BIRC6: variants seen among roughly 807,000 people sequenced by gnomAD.
BIRC6 encodes the protein baculoviral IAP repeat containing 6.
Under a neutral mutation model 503.3 loss-of-function variants are expected in BIRC6, and 98 were observed. That is an observed-to-expected ratio of 0.19 (90% CI 0.17 to 0.23). The LOEUF (loss-of-function observed/expected upper bound fraction) is 0.23, where lower values mean the gene tolerates loss of function less well. BIRC6 is among the 10% of genes least tolerant of loss of function. The pLI, the probability that BIRC6 is intolerant of heterozygous loss-of-function variation, is 1.00. For missense variants in BIRC6, 5,360 were observed against 5,806.0 expected (o/e 0.92, Z 2.50); for synonymous variants, 2,240 against 2,078.7 (o/e 1.08, Z -2.11).
At chr2:32,448,594 C>T (rs560262593) in intron 21 of BIRC6, among the ~76,000 whole-genome samples, 1 of 151,862 alleles carries the variant, frequency 6.6e-6, no homozygotes, top group Middle Eastern at 3.4e-3. Flanking sequence ...GAGCCGAGAT[C>T]GCAGCAGTAC....
intron 23 of BIRC6, among the ~76,000 whole-genome samples, chr2:32,462,970 A>AG (rs924666653): frequency 6.6e-6 from 1 of 152,048 alleles, no homozygotes; most frequent in African/African-American, 2.4e-5. Flanking sequence ...AAAAAAAAAA[A>AG]AAGTCATTCC....
Position 32,455,060 on chromosome 2 carries a change from G to T in BIRC6, c.4753+1118G>T, listed in dbSNP as rs535143895. On this transcript the variant is annotated intron_variant, in intron 23 of 73. Transcript: ENST00000421745. ...AGAAAATTATTTTATTATAAATCAGGACCTTTCGTGGAACTGTATTGAAAT... is the reference window on the plus strand; with the variant it reads ...AGAAAATTATTTTATTATAAATCAGTACCTTTCGTGGAACTGTATTGAAAT... Among the ~76,000 whole-genome samples, 78 of 152,122 alleles carry T rather than the reference G, an allele frequency of 5.1e-4. 1 individual carries two copies. The highest frequency in any genetic ancestry group is 1.8e-3 in the African/African-American group (75 of 41,488).
chr2:32,549,285 A>G, intron 64 of BIRC6, 28 bp from the exon 65 acceptor site: 1 of 1,390,524 alleles, frequency 7.2e-7, no homozygotes, highest in Non-Finnish European at 9.5e-7. Context: ...GTGAAACTGA[A>G]ATCCAAATTA....
intron 45 of BIRC6, among the ~76,000 whole-genome samples, chr2:32,496,903 A>G (rs1368981061): frequency 6.6e-6 from 1 of 152,136 alleles, no homozygotes; most frequent in Non-Finnish European, 1.5e-5. Flanking sequence ...TCGGACTTCA[A>G]GTATGCTGTT....
At chr2:32,408,611 G>T (rs1004887932) in intron 9 of BIRC6, among the ~76,000 whole-genome samples, 1 of 152,028 alleles carries the variant, frequency 6.6e-6, no homozygotes. Context: ...TACAATACTC[G>T]TATTTGGCCA....
At chr2:32,586,491 A>T (rs571451013) in intron 66 of BIRC6, among the ~76,000 whole-genome samples, 1 of 122,752 alleles carries the variant, frequency 8.1e-6, no homozygotes, top group Non-Finnish European at 1.6e-5. Context: ...ATGTGGCACT[A>T]TATCGGCTCA....
At chr2:32,610,396 A>G (rs2062783234) in intron 72 of BIRC6, among the ~76,000 whole-genome samples, 1 of 152,256 alleles carries the variant, frequency 6.6e-6, no homozygotes, top group Admixed American at 6.5e-5. Flanking sequence ...TAAAAATCGC[A>G]AATGTAAATC....
chr2:32,450,443 A>G (rs901619163), intron 22 of BIRC6, among the ~76,000 whole-genome samples: 1 of 152,058 alleles, frequency 6.6e-6, no homozygotes, highest in East Asian at 1.9e-4. Flanking sequence ...GCCCGGGCGA[A>G]AGAGTGAGAC....
chr2:32,433,499 A>G, intron 12 of BIRC6, 145 bp from the exon 13 acceptor site: 3 of 576,934 alleles, frequency 5.2e-6, no homozygotes, highest in Non-Finnish European at 8.6e-6. Flanking sequence ...ATTGGGAGCT[A>G]TTTTCTCTCT....
intron 8 of BIRC6, among the ~76,000 whole-genome samples, chr2:32,402,072 G>A (rs1311584334): frequency 6.6e-6 from 1 of 152,178 alleles, no homozygotes; most frequent in Admixed American, 6.5e-5. Flanking sequence ...GAGGCAAGAG[G>A]ATCTAATTGT....
In BIRC6 at chr2:32,444,355, C is replaced by T. The variant is rs529612395; in HGVS notation, c.4336+767C>T. Reference sequence around the variant, plus strand: ...ATTGCATCCATATTTCAAAACATCACATATACCCCCTATATATGTGCAATT... The same window carrying T: ...ATTGCATCCATATTTCAAAACATCATATATACCCCCTATATATGTGCAATT... On this transcript the variant is annotated intron_variant, in intron 20 of 73. Coordinates refer to ENST00000421745, the MANE Select transcript of BIRC6 (RefSeq NM_016252.4). 4.6e-5 allele frequency among the ~76,000 whole-genome samples: 7 copies of T among 152,162 alleles called. No individual in the cohort carries two copies. The East Asian group carries it at 1.4e-3, about 29-fold the overall frequency.
chr2:32,536,413 TTTC>T (rs1285565307), intron 61 of BIRC6, among the ~76,000 whole-genome samples: 3 of 152,202 alleles, frequency 2.0e-5, no homozygotes, highest in Admixed American at 6.5e-5. Flanking sequence ...TTGCCTAGGT[TTTC>T]TTCTAGGGTT....
At chr2:32,463,454 C>A in intron 24 of BIRC6, 73 bp downstream of exon 24, 2 of 1,385,926 alleles carry the variant, frequency 1.4e-6, no homozygotes, top group Non-Finnish European at 1.9e-6. Context: ...TTAAAAATGA[C>A]CATTATTTTC....
intron 21 of BIRC6, among the ~76,000 whole-genome samples, chr2:32,447,309 T>C (rs1284194624): frequency 6.8e-5 from 10 of 146,322 alleles, no homozygotes; most frequent in East Asian, 2.1e-4. Flanking sequence ...GAGGGGCTCC[T>C]CACTTCCCAG....
At chr2:32,494,469 G>T (rs922032587) in intron 45 of BIRC6, among the ~76,000 whole-genome samples, 1 of 151,088 alleles carries the variant, frequency 6.6e-6, no homozygotes, top group African/African-American at 2.4e-5. Context: ...CTCGTGATCC[G>T]CCCGCCTCAG....
intron 21 of BIRC6, 92 bp from the exon 22 acceptor site, chr2:32,448,703 T>A (rs2046363704): frequency 8.6e-7 from 1 of 1,161,942 alleles, no homozygotes; most frequent in South Asian, 1.5e-5. Flanking sequence ...CCCTCTGCGC[T>A]GTTAGTCAGA....
chr2:32,555,050 A>G (rs1319307386), intron 65 of BIRC6, among the ~76,000 whole-genome samples: 1 of 152,150 alleles, frequency 6.6e-6, no homozygotes, highest in Admixed American at 6.5e-5. Flanking sequence ...AATTTTTATT[A>G]TTTATAAAAA....
intron 15 of BIRC6, among the ~76,000 whole-genome samples, chr2:32,436,822 C>T (rs975609352): frequency 6.6e-6 from 1 of 150,636 alleles, no homozygotes; most frequent in Non-Finnish European, 1.5e-5. Context: ...CCTTGGCCTC[C>T]CAAAGTGTTG....
chr2:32,495,422 C>G (rs2052326314), intron 45 of BIRC6, among the ~76,000 whole-genome samples: 1 of 152,076 alleles, frequency 6.6e-6, no homozygotes, highest in South Asian at 2.1e-4. Context: ...AATAAAGGCT[C>G]TGGTATTCTG....
Sources: gnomAD v4.1 joint callset for allele counts (sites outside exome capture counted in the v4.1 genomes callset) on GRCh38, gnomAD v4.1.1 for gene constraint, MANE v1.5 for transcripts, NCBI Gene and HGNC (gene_info 2026-07-23, HGNC 2026-07-21) for gene names.